The following GFI1B variants were observed in gnomAD, a reference collection of about 807,000 sequenced individuals.
The protein encoded by GFI1B is growth factor independent 1B transcriptional repressor.
In GFI1B, 20 loss-of-function variants were observed where a neutral mutation model predicts 35.3. The observed-to-expected ratio is 0.57, with a 90% CI of 0.40 to 0.82. The LOEUF (loss-of-function observed/expected upper bound fraction) is 0.82. Among genes scored for constraint, GFI1B ranks in the 40% least tolerant of loss-of-function variants. The pLI is 0.00. For missense variants in GFI1B, 430 were observed against 446.3 expected (o/e 0.96, Z 0.33); for synonymous variants, 178 against 177.6 (o/e 1.00, Z -0.02).
At chr9:132,947,331 C>T (rs1848129563) in intron 1 of GFI1B, 1 of 151,396 alleles carries the variant, frequency 6.6e-6, no homozygotes, top group Non-Finnish European at 1.5e-5. Context: ...GTGGACCAGG[C>T]CTGGCCAATC....
intron 1 of GFI1B, among the ~76,000 whole-genome samples, chr9:132,961,422 C>CAA (rs11393530): frequency 0.02 from 2,564 of 128,582 alleles, 36 homozygotes; most frequent in Middle Eastern, 0.037. Flanking sequence ...AATTATTTGA[C>CAA]AAAAAAAAAA....
chr9:132,986,834 C>A (rs1010150401), intron 2 of GFI1B, 56 bp downstream of exon 2: 5 of 1,072,974 alleles, frequency 4.7e-6, no homozygotes, highest in Non-Finnish European at 7.1e-6. Flanking sequence ...CTCTGCTCTG[C>A]GTGATGAGGG....
rs200207746 is a variant in GFI1B, at chr9:132,989,202, G to A, written c.648+4G>A. On this transcript the variant is annotated splice_donor_region_variant and intron_variant, in intron 5 of 6. Coordinates refer to ENST00000372122, the MANE Select transcript of GFI1B (RefSeq NM_001377304.1). This position sits in a 1 kb window ranked among gnomAD's most constrained non-coding sequence, Gnocchi z 6.2. Reference sequence around the variant, plus strand: ...GCACACGCACGTCCACTCCCAGGTGGGCACCTGGCCCAGCGCAGGACTCCC... The same window carrying A: ...GCACACGCACGTCCACTCCCAGGTGAGCACCTGGCCCAGCGCAGGACTCCC... The A allele has an allele frequency of 1.9e-6, 3 of 1,611,440 alleles. No individual in the cohort carries two copies. The highest frequency in any genetic ancestry group is 2.2e-5 in the South Asian group (2 of 91,042).
chr9:132,964,839 A>T (rs528986637), intron 1 of GFI1B, among the ~76,000 whole-genome samples: 5 of 145,450 alleles, frequency 3.4e-5, no homozygotes, highest in Non-Finnish European at 7.4e-5. Context: ...TCCTGGTTTC[A>T]AGCGAGTCTC....
chr9:132,990,915 C>T lies in GFI1B; in HGVS notation c.858C>T (p.Ser286=). ...HKCQVCGKAF[S]QSSNLITHSR... ...GCCAGGTGTGCGGAAAGGCCTTCAG[C>T]CAGAGCTCCAACCTCATCACCCACA... The change falls in exon 7 of 7, where the codon AGC becomes AGT. Residue 286 remains serine (S), a synonymous_variant. Coordinates refer to ENST00000372122, the MANE Select transcript of GFI1B (RefSeq NM_001377304.1). 2 of 1,614,234 alleles carry T rather than the reference C, an allele frequency of 1.2e-6. No individual in the cohort carries two copies. Among genetic ancestry groups the T allele is most frequent in the Non-Finnish European group, 1.7e-6 (2 of 1,180,020 alleles).
intron 1 of GFI1B, among the ~76,000 whole-genome samples, chr9:132,968,025 A>C (rs529289382): frequency 6.6e-6 from 1 of 152,204 alleles, no homozygotes; most frequent in African/African-American, 2.4e-5. Context: ...CAAATGATCC[A>C]CCTGCCTTGG....
At chr9:132,980,903 G>GTTTA (rs531633216) in intron 1 of GFI1B, among the ~76,000 whole-genome samples, 1 of 151,982 alleles carries the variant, frequency 6.6e-6, no homozygotes, top group Non-Finnish European at 1.5e-5. Context: ...CATTTTGTTT[G>GTTTA]TTTGTTTGTT....
At chr9:132,985,324 C>G (rs1849003949) in intron 1 of GFI1B, among the ~76,000 whole-genome samples, 1 of 152,184 alleles carries the variant, frequency 6.6e-6, no homozygotes, top group Admixed American at 6.5e-5. Flanking sequence ...CTGACTCTGC[C>G]TGGGATGGTC....
At chr9:132,961,825 T>A (rs943888866) in intron 1 of GFI1B, among the ~76,000 whole-genome samples, 1 of 151,826 alleles carries the variant, frequency 6.6e-6, no homozygotes, top group Non-Finnish European at 1.5e-5. Flanking sequence ...TCTCCTGACC[T>A]CGTGATCTGC....
At chr9:132,957,860 A>G (rs758012124) in intron 1 of GFI1B, among the ~76,000 whole-genome samples, 2 of 152,178 alleles carry the variant, frequency 1.3e-5, no homozygotes, top group African/African-American at 2.4e-5. Context: ...AAGAAATACT[A>G]ATGTCAGCCA....
upstream of GFI1B, chr9:132,976,723 T>G (rs760438225): frequency 6.6e-6 from 1 of 152,072 alleles, no homozygotes; most frequent in Non-Finnish European, 1.5e-5. Flanking sequence ...CTTCTAAATT[T>G]CAAATAAAAA....
intron 1 of GFI1B, among the ~76,000 whole-genome samples, chr9:132,946,038 G>A (rs1848087056): frequency 6.6e-6 from 1 of 152,142 alleles, no homozygotes; most frequent in Admixed American, 6.5e-5. Flanking sequence ...GGGCCTTGGT[G>A]AGAATTAGAA....
intron 1 of GFI1B, among the ~76,000 whole-genome samples, chr9:132,949,113 C>T (rs1375613917): frequency 6.6e-6 from 1 of 152,196 alleles, no homozygotes; most frequent in Non-Finnish European, 1.5e-5. Flanking sequence ...TGCTTCAGCA[C>T]CTCTTTTTTC....
At position 132,988,235 on chromosome 9, in the gene GFI1B, T is replaced by C; in HGVS notation, c.277T>C (p.Ser93Pro). The C allele has an allele frequency of 1.2e-6, 2 of 1,613,810 alleles. No individual in the cohort carries two copies. The highest frequency in any genetic ancestry group is 1.7e-6 in the Non-Finnish European group (2 of 1,179,704). Reference sequence around the variant, plus strand: ...GCTGTCCCGACCCCAGGATGGGGACTCTCCACTGTCCGACTCACCCCCATT... The same window carrying C: ...GCTGTCCCGACCCCAGGATGGGGACCCTCCACTGTCCGACTCACCCCCATT... ...IVLSRPQDGDSPLSDSPPFYK... is the reference protein window; with the variant it reads ...IVLSRPQDGDPPLSDSPPFYK... Residue 93 changes from serine to proline, a missense_variant, in exon 4 of 7, where the codon TCT becomes CCT. Physicochemically the swap from Ser to Pro is moderately conservative, Grantham distance 74. Coordinates refer to ENST00000372122, the MANE Select transcript of GFI1B (RefSeq NM_001377304.1).
intron 1 of GFI1B, among the ~76,000 whole-genome samples, chr9:132,979,129 C>G (rs989693884): frequency 1.3e-5 from 2 of 152,216 alleles, no homozygotes; most frequent in African/African-American, 4.8e-5. Flanking sequence ...TACCCACAAC[C>G]CAGCTGTCCT....
intron 1 of GFI1B, among the ~76,000 whole-genome samples, chr9:132,949,402 C>T (rs1471991359): frequency 6.6e-6 from 1 of 152,082 alleles, no homozygotes; most frequent in African/African-American, 2.4e-5. Context: ...GAAAACCTTC[C>T]TCACACTGAA....
chr9:132,953,429 A>G (rs7034320), intron 1 of GFI1B: 102,704 of 152,136 alleles, frequency 0.68, 34,739 homozygotes, highest in South Asian at 0.77. Context: ...CAAGGCAGGC[A>G]GATCACTTGA....
chr9:132,959,766 A>G (rs1848337633), intron 1 of GFI1B, among the ~76,000 whole-genome samples: 1 of 152,184 alleles, frequency 6.6e-6, no homozygotes, highest in Admixed American at 6.5e-5. Context: ...GTCACTGGCC[A>G]TGCTTGGTGT....
At chr9:132,980,491 C>T (rs1199345169) in intron 1 of GFI1B, among the ~76,000 whole-genome samples, 4 of 152,220 alleles carry the variant, frequency 2.6e-5, no homozygotes, top group African/African-American at 9.7e-5. Context: ...GTTTCATTCA[C>T]TCACTTGTCT....
Sources: allele counts gnomAD v4.1 joint callset (sites outside exome capture counted in the v4.1 genomes callset), GRCh38; gene constraint gnomAD v4.1.1; non-coding constraint Gnocchi (gnomAD v3.1); transcripts MANE v1.5; gene names NCBI Gene and HGNC (gene_info 2026-07-23, HGNC 2026-07-21).